The following BEND3 variants were observed in gnomAD, a reference collection of about 807,000 sequenced individuals.
BEND3 encodes the protein BEN domain containing 3.
A neutral mutation model predicts 60.1 loss-of-function variants in BEND3; 13 were observed. The observed-to-expected ratio is 0.22, with a 90% CI of 0.14 to 0.34. BEND3 has a LOEUF of 0.34. Among genes scored for constraint, BEND3 ranks in the 10% least tolerant of loss-of-function variants. BEND3 has a pLI of 1.00. For synonymous variants in BEND3, 497 were observed against 491.5 expected, an observed-to-expected ratio of 1.01 and a Z score of -0.15; for missense variants, 896 against 1,138.1, an observed-to-expected ratio of 0.79 and a Z score of 3.06.
At position 107,070,007 on chromosome 6, in the gene BEND3, T is replaced by C. The variant is rs1342174998; in HGVS notation, c.1184A>G (p.Gln395Arg). ...TTCGTCCAGGAACTCAGTGAGGTCC[T>C]GCGTGTCCACCACGTGGTCTGAGGC... ...TIASDHVVDT[Q>R]DLTEFLDEAS... is the part of the protein sequence containing the mutation. Residue 395 changes from glutamine to arginine, a missense_variant, in exon 4 of 4, where the codon CAG becomes CGG. By Grantham distance (43) the Gln-to-Arg change is conservative (BLOSUM62 1). This residue lies in a region of BEND3 where 846 missense variants were observed against 1,036.7 expected (regional missense o/e 0.82). Coordinates refer to ENST00000369042, the MANE Select transcript of BEND3 (RefSeq NM_001367314.1). This position sits in a 1 kb window ranked among gnomAD's most constrained non-coding sequence, Gnocchi z 6.9. 3.1e-6 allele frequency: 5 copies of C among 1,613,516 alleles called. No homozygotes were observed. Among genetic ancestry groups the C allele is most frequent in the Non-Finnish European group, 4.2e-6 (5 of 1,179,994 alleles).
intron 1 of BEND3, among the ~76,000 whole-genome samples, chr6:107,107,291 T>C (rs782786143): frequency 9.2e-5 from 14 of 152,062 alleles, no homozygotes; most frequent in Non-Finnish European, 2.1e-4. Context: ...AGGCCAGCTG[T>C]TTACCTACCC....
rs1311566662 is a variant in BEND3 at position 107,091,110 on chromosome 6, GA to G, written c.240+7440del. Among the ~76,000 whole-genome samples the G allele has an allele frequency of 1.1e-3, 151 of 132,934 alleles. 1 individual carries two copies. The highest frequency in any genetic ancestry group is 9.3e-4 in the South Asian group (4 of 4,310). 87.2% of individuals were successfully genotyped at this position (132,934 alleles called of 152,430 possible). ...GGGCAACAGAGTGATACTCCATCTCGAAAAAAAAAAAAGAAAGAAAATGAAA... is the reference window on the plus strand; with the variant it reads ...GGGCAACAGAGTGATACTCCATCTCGAAAAAAAAAAAGAAAGAAAATGAAA... On this transcript the variant is annotated intron_variant, in intron 3 of 3. Coordinates refer to ENST00000369042, the MANE Select transcript of BEND3 (RefSeq NM_001367314.1).
intron 1 of BEND3, among the ~76,000 whole-genome samples, chr6:107,110,072 A>G (rs1775910288): frequency 6.6e-6 from 1 of 150,892 alleles, no homozygotes; most frequent in African/African-American, 2.4e-5. Context: ...AGTGGTGTGC[A>G]CCCATAGTCC....
Position 107,068,773 on chromosome 6 carries a change from A to G in BEND3, c.2418T>C (p.Asp806=). Residue 806 remains aspartate, a synonymous_variant, in exon 4 of 4, where the codon GAT becomes GAC. Coordinates refer to ENST00000369042, the MANE Select transcript of BEND3 (RefSeq NM_001367314.1). The surrounding 1 kb of genome is among the most constrained non-coding windows in gnomAD (Gnocchi z 5.8). ...TCCTGTTGGGGCGGCGGCACCTCTC[A>G]TCGATGCTGGGGATACATTCGTAGT... The part of the protein sequence containing the change: ...VWHYECIPSI[D]ERCRRPNRKK... 1 of 1,613,998 alleles carries G rather than the reference A, an allele frequency of 6.2e-7. No individual in the cohort carries two copies. Among genetic ancestry groups the G allele is most frequent in the Non-Finnish European group, 8.5e-7 (1 of 1,180,012 alleles).
At chr6:107,096,922 T>C (rs1433578319) in intron 3 of BEND3, among the ~76,000 whole-genome samples, 1 of 151,832 alleles carries the variant, frequency 6.6e-6, no homozygotes, top group East Asian at 1.9e-4. Flanking sequence ...ACTGCAGATG[T>C]TGCAGTGAGC....
rs148978666 is a variant in BEND3, at chr6:107,070,377, C to G, written c.814G>C (p.Val272Leu). 1.2e-6 allele frequency: 2 copies of G among 1,613,780 alleles called. No homozygotes were observed. Among genetic ancestry groups the G allele is most frequent in the Non-Finnish European group, 1.7e-6 (2 of 1,180,036 alleles). ...SGGDLACRLLVQLFPELFSDV... is the reference protein window; with the variant it reads ...SGGDLACRLLLQLFPELFSDV... ...CTGAAGAGCTCGGGGAAGAGCTGCA[C>G]CAGCAAGCGGCAGGCCAGGTCCCCC... The change falls in exon 4 of 4, where the codon GTG becomes CTG. Residue 272 changes from valine (V) to leucine (L), a missense_variant. By Grantham distance (32) the Val-to-Leu change is conservative. Around this residue, in one of 4 missense-constraint regions of BEND3, gnomAD observed 846 missense variants for 1,036.7 expected, o/e 0.82. Coordinates refer to ENST00000369042, the MANE Select transcript of BEND3 (RefSeq NM_001367314.1). This position sits in a 1 kb window ranked among gnomAD's most constrained non-coding sequence, Gnocchi z 6.9.
chr6:107,078,713 C>A (rs568395794), intron 3 of BEND3, among the ~76,000 whole-genome samples: 10 of 151,148 alleles, frequency 6.6e-5, no homozygotes, highest in Admixed American at 3.3e-4. Context: ...CCCAGCGAGG[C>A]GGGCAGTGTC....
intron 1 of BEND3, among the ~76,000 whole-genome samples, chr6:107,112,441 T>C (rs60237682): frequency 0.27 from 41,086 of 152,118 alleles, 5,982 homozygotes; most frequent in Non-Finnish European, 0.32. Flanking sequence ...CTGTCTCATC[T>C]GCCAGTTCCT....
Position 107,070,404 on chromosome 6 carries a change from CT to C in BEND3, c.786del (p.Asp265ThrfsTer54), listed in dbSNP as rs782763016. On this transcript the variant is annotated frameshift_variant, in exon 4 of 4. Transcript: ENST00000369042. LOFTEE classifies it high-confidence loss of function. The surrounding 1 kb of genome is among the most constrained non-coding windows in gnomAD (Gnocchi z 6.9). ...ELKQIVDQSLSGGDLACRLLV... is the reference protein window; with the variant it reads ...ELKQIVDQSLXGGDLACRLLV... ...AGCAAGCGGCAGGCCAGGTCCCCCCCTGACAGGCTCTGGTCCACGATCTGCT... is the reference window on the plus strand; with the variant it reads ...AGCAAGCGGCAGGCCAGGTCCCCCCCGACAGGCTCTGGTCCACGATCTGCT... 2.5e-6 allele frequency: 4 copies of C among 1,613,910 alleles called. No individual in the cohort carries two copies. Among genetic ancestry groups the C allele is most frequent in the Non-Finnish European group, 8.5e-7 (1 of 1,180,024 alleles).
intron 3 of BEND3, among the ~76,000 whole-genome samples, chr6:107,074,141 T>C (rs1775049379): frequency 1.3e-5 from 2 of 152,100 alleles, no homozygotes; most frequent in Admixed American, 1.3e-4. Flanking sequence ...TATGGCCGGG[T>C]GCGGTGGCTC....
intron 1 of BEND3, among the ~76,000 whole-genome samples, chr6:107,108,853 T>C (rs1295956473): frequency 6.6e-6 from 1 of 152,176 alleles, no homozygotes; most frequent in African/African-American, 2.4e-5. Flanking sequence ...TTGCCCAGGA[T>C]GGAGTGCAGT....
At chr6:107,091,263 G>T (rs1407888514) in intron 3 of BEND3, among the ~76,000 whole-genome samples, 1 of 151,844 alleles carries the variant, frequency 6.6e-6, no homozygotes, top group African/African-American at 2.4e-5. Context: ...AACCAGAAAA[G>T]CAAATTAAAT....
At chr6:107,101,523 C>T (rs781884093) in intron 1 of BEND3, among the ~76,000 whole-genome samples, 1 of 152,142 alleles carries the variant, frequency 6.6e-6, no homozygotes, top group Admixed American at 6.6e-5. Flanking sequence ...GGAATGAAAA[C>T]CAAAATGAGA....
intron 3 of BEND3, among the ~76,000 whole-genome samples, chr6:107,088,404 GAAGA>G (rs1332498031): frequency 3.3e-5 from 5 of 152,232 alleles, no homozygotes; most frequent in African/African-American, 1.2e-4. Flanking sequence ...AAAAGGAACA[GAAGA>G]AATATTTGAA....
At chr6:107,089,237 C>T (rs936091294) in intron 3 of BEND3, among the ~76,000 whole-genome samples, 1 of 152,102 alleles carries the variant, frequency 6.6e-6, no homozygotes, top group Non-Finnish European at 1.5e-5. Flanking sequence ...ATTCCACATT[C>T]GTGATTCGAA....
At chr6:107,096,065 G>C (rs1390369688) in intron 3 of BEND3, among the ~76,000 whole-genome samples, 2 of 152,214 alleles carry the variant, frequency 1.3e-5, no homozygotes, top group African/African-American at 4.8e-5. Context: ...GGGATCATCA[G>C]TTGTAATAAA....
At chr6:107,080,352 C>T (rs1432071598) in intron 3 of BEND3, among the ~76,000 whole-genome samples, 2 of 62,400 alleles carry the variant, frequency 3.2e-5, no homozygotes, top group African/African-American at 1.5e-4. Context: ...GAGATCCCAT[C>T]TCAAAAAAAA....
In BEND3 at chr6:107,069,503, A is replaced by C. The variant is rs1554231493; in HGVS notation, c.1688T>G (p.Ile563Ser). ...GCCGATGGACAGGCTGCTCTCGTAG[A>C]TGCTGCGTAGCTGCTCCTTGCTGAG... ...CLLSKEQLRS[I>S]YESSLSIGNF... Residue 563 changes from isoleucine (I) to serine (S), a missense_variant, in exon 4 of 4, where the codon ATC becomes AGC. This residue lies in a region of BEND3 where 846 missense variants were observed against 1,036.7 expected (regional missense o/e 0.82). Transcript: ENST00000369042. The C allele has an allele frequency of 6.2e-7, 1 of 1,613,024 alleles. No individual in the cohort carries two copies. Among genetic ancestry groups the C allele is most frequent in the Non-Finnish European group, 8.5e-7 (1 of 1,180,026 alleles).
intron 1 of BEND3, among the ~76,000 whole-genome samples, chr6:107,108,182 A>G (rs1775860844): frequency 6.6e-6 from 1 of 152,232 alleles, no homozygotes; most frequent in South Asian, 2.1e-4. Context: ...CAGTCAGAGC[A>G]CAACCTCATC....
Sources: gnomAD v4.1 joint callset for allele counts (sites outside exome capture counted in the v4.1 genomes callset) on GRCh38, gnomAD v4.1.1 for gene constraint, gnomAD v4.1.1 regional missense constraint, Gnocchi (gnomAD v3.1) non-coding constraint, MANE v1.5 for transcripts, NCBI Gene and HGNC (gene_info 2026-07-23, HGNC 2026-07-21) for gene names.